The following ANKRD6 variants were observed in gnomAD, a reference collection of about 807,000 sequenced individuals.
The protein encoded by ANKRD6 is ankyrin repeat domain 6.
In ANKRD6, 56 loss-of-function variants were observed where a neutral mutation model predicts 82.3. The ratio of observed to expected loss-of-function variants is 0.68; its 90% CI spans 0.55 to 0.85. The LOEUF is 0.85. Among genes scored for constraint, ANKRD6 ranks in the 40% least tolerant of loss-of-function variants. The pLI, the probability that ANKRD6 is intolerant of heterozygous loss-of-function variation, is 0.00. For missense variants in ANKRD6, 852 were observed against 907.6 expected, an observed-to-expected ratio of 0.94 and a Z score of 0.79; for synonymous variants, 347 against 352.1, an observed-to-expected ratio of 0.99 and a Z score of 0.16.
At chr6:89,510,700 C>T (rs1411729799) in intron 1 of ANKRD6, among the ~76,000 whole-genome samples, 2 of 152,208 alleles carry the variant, frequency 1.3e-5, no homozygotes, top group East Asian at 3.9e-4. Flanking sequence ...TCCCCCCAAT[C>T]TCCCCGGCCC....
At chr6:89,560,090 T>C (rs1787180600) in intron 1 of ANKRD6, among the ~76,000 whole-genome samples, 1 of 151,698 alleles carries the variant, frequency 6.6e-6, no homozygotes, top group Non-Finnish European at 1.5e-5. Context: ...CCACAAGGAG[T>C]TCATATAACC....
At chr6:89,627,258 T>C (rs1286149853) in intron 13 of ANKRD6, among the ~76,000 whole-genome samples, 3 of 152,206 alleles carry the variant, frequency 2.0e-5, no homozygotes, top group African/African-American at 4.8e-5. Flanking sequence ...GGTTTCGCCA[T>C]GTTGGCCAGG....
chr6:89,440,111 C>T (rs1441709055), intron 1 of ANKRD6, among the ~76,000 whole-genome samples: 2 of 152,012 alleles, frequency 1.3e-5, no homozygotes, highest in Non-Finnish European at 2.9e-5. Flanking sequence ...AGCCCTGTAA[C>T]AAAACATAGG....
chr6:89,439,707 T>C (rs1271137893), intron 1 of ANKRD6, among the ~76,000 whole-genome samples: 2 of 152,342 alleles, frequency 1.3e-5, no homozygotes, highest in East Asian at 3.9e-4. Flanking sequence ...TTTCTTTTTT[T>C]TCTTTTTCCG....
intron 1 of ANKRD6, among the ~76,000 whole-genome samples, chr6:89,524,206 T>C (rs1238747124): frequency 1.3e-5 from 2 of 152,130 alleles, no homozygotes; most frequent in African/African-American, 4.8e-5. Context: ...TTTGGTTACA[T>C]GGATAAGTTC....
intron 5 of ANKRD6, among the ~76,000 whole-genome samples, chr6:89,611,168 T>C (rs1210082565): frequency 8.6e-6 from 1 of 115,686 alleles, no homozygotes; most frequent in Non-Finnish European, 1.8e-5. Flanking sequence ...CCAGTATTCC[T>C]CTATTTTTTT....
At chr6:89,627,979 C>T (rs1175923222) in intron 14 of ANKRD6, among the ~76,000 whole-genome samples, 2 of 152,138 alleles carry the variant, frequency 1.3e-5, no homozygotes, top group African/African-American at 4.8e-5. Flanking sequence ...ATTGTTAGGC[C>T]ATTACAGTTT....
At chr6:89,481,185 T>G (rs1776765084) in intron 1 of ANKRD6, among the ~76,000 whole-genome samples, 1 of 152,116 alleles carries the variant, frequency 6.6e-6, no homozygotes, top group African/African-American at 2.4e-5. Context: ...ATCCCCCACT[T>G]TAGCTCTTAA....
At chr6:89,603,536 C>G (rs562960128) in intron 4 of ANKRD6, among the ~76,000 whole-genome samples, 1 of 152,100 alleles carries the variant, frequency 6.6e-6, no homozygotes, top group Non-Finnish European at 1.5e-5. Flanking sequence ...CAGTGACAAC[C>G]ACATAAATCT....
intron 1 of ANKRD6, among the ~76,000 whole-genome samples, chr6:89,441,177 G>A (rs1471679035): frequency 1.3e-5 from 2 of 152,070 alleles, no homozygotes; most frequent in East Asian, 1.9e-4. Flanking sequence ...TTGAGACAGA[G>A]TCTCGCTCTG....
intron 2 of ANKRD6, among the ~76,000 whole-genome samples, chr6:89,579,302 G>A (rs1562901868): frequency 1.3e-5 from 2 of 152,226 alleles, no homozygotes; most frequent in African/African-American, 4.8e-5. Flanking sequence ...TTAGAACAGT[G>A]CTTAGCACAT....
At chr6:89,501,125 T>A (rs1239489045) in intron 1 of ANKRD6, among the ~76,000 whole-genome samples, 1 of 152,204 alleles carries the variant, frequency 6.6e-6, no homozygotes, top group Non-Finnish European at 1.5e-5. Flanking sequence ...TCAGAACATG[T>A]GATACTTGGG....
In ANKRD6 at chr6:89,623,839, C is replaced by T. The variant is rs773812312; in HGVS notation, c.1033-33C>T. On this transcript the variant is annotated intron_variant, in intron 11 of 15. Coordinates refer to ENST00000339746, the MANE Select transcript of ANKRD6 (RefSeq NM_001242809.2). ...GGTGTCAGTCTTGCAGAGGTCAAAGCGTTCAGGGGTGTTGTCTCTTCCTCT... is the reference window on the plus strand; with the variant it reads ...GGTGTCAGTCTTGCAGAGGTCAAAGTGTTCAGGGGTGTTGTCTCTTCCTCT... 3.2e-6 allele frequency: 5 copies of T among 1,586,588 alleles called. No homozygotes were observed. The African/African-American group carries it at 4.0e-5, about 13-fold the overall frequency.
chr6:89,611,399 G>A (rs1163103494), intron 5 of ANKRD6, among the ~76,000 whole-genome samples: 1 of 152,174 alleles, frequency 6.6e-6, no homozygotes, highest in African/African-American at 2.4e-5. Context: ...AGTGCTTGCA[G>A]GCTCTTGGAT....
intron 1 of ANKRD6, among the ~76,000 whole-genome samples, chr6:89,556,566 A>G (rs566960207): frequency 2.0e-4 from 30 of 152,332 alleles, no homozygotes; most frequent in African/African-American, 6.5e-4. Context: ...TCTTGTCCCA[A>G]TTTCTAAGTT....
chr6:89,630,781 C>T lies in ANKRD6; in HGVS notation c.1961C>T (p.Thr654Ile). ...QPPPATGSEQ[T>I]GPHIRDTSQA... The stretch of plus-strand genomic sequence containing the variant: ...CCACCAGCCACAGGCAGCGAGCAGA[C>T]TGGCCCTCACATTCGGGACACCTCC... Residue 654 changes from threonine to isoleucine, a missense_variant, in exon 16 of 16, where the codon ACT (threonine) becomes ATT (isoleucine). Transcript: ENST00000339746. 6.2e-7 allele frequency: 1 copy of T among 1,613,946 alleles called. No individual in the cohort carries two copies. The highest frequency in any genetic ancestry group is 1.1e-5 in the South Asian group (1 of 91,084).
intron 1 of ANKRD6, among the ~76,000 whole-genome samples, chr6:89,436,555 A>G (rs1459167590): frequency 6.6e-6 from 1 of 152,224 alleles, no homozygotes; most frequent in Admixed American, 6.5e-5. Flanking sequence ...TAGGTGAAAT[A>G]AGTTAGTCAC....
At chr6:89,509,331 AG>A (rs1479687382) in intron 1 of ANKRD6, 1 of 152,226 alleles carries the variant, frequency 6.6e-6, no homozygotes, top group Non-Finnish European at 1.5e-5. Context: ...AACAATGAAA[AG>A]ACCACACTGG....
At chr6:89,524,035 G>A (rs746057140) in intron 1 of ANKRD6, among the ~76,000 whole-genome samples, 1 of 152,150 alleles carries the variant, frequency 6.6e-6, no homozygotes, top group Non-Finnish European at 1.5e-5. Context: ...GGCCAGGAGA[G>A]CCAGACTAGC....
Sources: allele counts gnomAD v4.1 joint callset (sites outside exome capture counted in the v4.1 genomes callset), GRCh38; gene constraint gnomAD v4.1.1; transcripts MANE v1.5; gene names NCBI Gene and HGNC (gene_info 2026-07-23, HGNC 2026-07-21).